COX10: variants seen among roughly 807,000 people sequenced by gnomAD.
The protein encoded by COX10 is protoheme IX farnesyltransferase, mitochondrial.
Under a neutral mutation model 37.3 loss-of-function variants are expected in COX10, and 27 were observed. The observed-to-expected ratio is 0.72, with a 90% CI of 0.53 to 1.00. The LOEUF is 1.00. Ranked by LOEUF, COX10 falls within the 50% of genes least tolerant of loss-of-function variation. The pLI is 0.00. For synonymous variants in COX10, 222 were observed against 229.1 expected, an observed-to-expected ratio of 0.97 and a Z score of 0.28; for missense variants, 475 against 563.2, an observed-to-expected ratio of 0.84 and a Z score of 1.59.
At chr17:14,107,122 A>G (rs1243146079) in intron 4 of COX10, among the ~76,000 whole-genome samples, 3 of 151,784 alleles carry the variant, frequency 2.0e-5, no homozygotes, top group African/African-American at 7.3e-5. Context: ...CCCCACCCCC[A>G]CTTGTGACAG....
At chr17:14,084,958 C>T (rs774080000) in intron 3 of COX10, among the ~76,000 whole-genome samples, 13 of 152,156 alleles carry the variant, frequency 8.5e-5, no homozygotes, top group Non-Finnish European at 1.6e-4. Context: ...CTGCACCCGG[C>T]CAATAACCAG....
intron 4 of COX10, among the ~76,000 whole-genome samples, chr17:14,105,620 T>A (rs1915874249): frequency 6.6e-6 from 1 of 152,170 alleles, no homozygotes; most frequent in African/African-American, 2.4e-5. Context: ...GAAGGCAACA[T>A]TTAAAACATG....
chr17:14,198,568 A>T (rs1383474124), intron 6 of COX10, among the ~76,000 whole-genome samples: 1 of 152,236 alleles, frequency 6.6e-6, no homozygotes, highest in Non-Finnish European at 1.5e-5. Flanking sequence ...CCCAACATTT[A>T]GTTACAAATG....
intron 6 of COX10, 45 bp from the exon 7 acceptor site, chr17:14,206,765 T>C: frequency 6.2e-7 from 1 of 1,611,340 alleles, no homozygotes; most frequent in Admixed American, 1.7e-5. Flanking sequence ...AAATCTCTGG[T>C]GATGACTGCC....
chr17:14,204,870 G>A (rs1418775048), intron 6 of COX10, among the ~76,000 whole-genome samples: 3 of 152,224 alleles, frequency 2.0e-5, no homozygotes, highest in African/African-American at 7.2e-5. Context: ...GAGAGGCTGA[G>A]GCAGGAGGAT....
chr17:14,080,317 G>A (rs950082064), intron 3 of COX10, among the ~76,000 whole-genome samples: 14 of 144,582 alleles, frequency 9.7e-5, no homozygotes, highest in African/African-American at 3.3e-4. Context: ...TCCGCCTCCC[G>A]GGTTCACATC....
At chr17:14,102,367 C>G in intron 4 of COX10, 125 bp downstream of exon 4, 1 of 1,376,160 alleles carries the variant, frequency 7.3e-7, no homozygotes, top group Non-Finnish European at 1.0e-6. Context: ...CACTATATAT[C>G]CTATAGGAGC....
At chr17:14,093,075 G>C (rs1203571682) in intron 3 of COX10, among the ~76,000 whole-genome samples, 3 of 152,158 alleles carry the variant, frequency 2.0e-5, no homozygotes, top group African/African-American at 7.2e-5. Flanking sequence ...GGATTACAGT[G>C]TTGCATAGTA....
intron 5 of COX10, among the ~76,000 whole-genome samples, chr17:14,189,333 A>AT (rs1368775298): frequency 1.3e-5 from 2 of 151,942 alleles, no homozygotes; most frequent in Non-Finnish European, 2.9e-5. Flanking sequence ...AAAAAGATTC[A>AT]TTTTTTCCTC....
chr17:14,073,615 A>C (rs1915078964), intron 1 of COX10, among the ~76,000 whole-genome samples: 1 of 152,220 alleles, frequency 6.6e-6, no homozygotes, highest in Non-Finnish European at 1.5e-5. Context: ...TTAAGGTGGC[A>C]TACATAGCAA....
intron 4 of COX10, among the ~76,000 whole-genome samples, chr17:14,133,565 A>T (rs990953841): frequency 1.3e-5 from 2 of 151,706 alleles, no homozygotes; most frequent in Admixed American, 6.6e-5. Flanking sequence ...AATATAAAAC[A>T]TTTAATAAAT....
intron 6 of COX10, among the ~76,000 whole-genome samples, chr17:14,204,105 A>G (rs2142271119): frequency 6.6e-6 from 1 of 152,260 alleles, no homozygotes; most frequent in East Asian, 1.9e-4. Context: ...TTACTACAAT[A>G]TCATTACATA....
rs903758455 is a variant in COX10 at position 14,155,322 on chromosome 17, A to G, written c.625-4555A>G. Among the ~76,000 whole-genome samples the G allele has an allele frequency of 1.1e-4, 6 of 57,076 alleles. No individual in the cohort carries two copies. The South Asian group carries it at 5.9e-3, about 56-fold the overall frequency. 37.4% of individuals were successfully genotyped at this position (57,076 alleles called of 152,430 possible). ...CACATTGAGTTTGTGATGTTAAAAC[A>G]TCTACATAAAAAAAAAAAAAAAAAC... is the stretch of plus-strand genomic sequence containing the variant. On this transcript the variant is annotated intron_variant, in intron 4 of 6. Transcript: ENST00000261643.
At position 14,205,208 on chromosome 17, in the gene COX10, G is replaced by T. The variant is rs986480360; in HGVS notation, c.929-1602G>T. ...TATATAGTTCTGTGACTCCTAACAC[G>T]TGTTAATCTTCTTTTTTACACCGCC... is the stretch of plus-strand genomic sequence containing the variant. On this transcript the variant is annotated intron_variant, in intron 6 of 6. Transcript: ENST00000261643. 5.9e-5 allele frequency among the ~76,000 whole-genome samples: 9 copies of T among 152,066 alleles called. No individual in the cohort carries two copies. The South Asian group carries it at 1.7e-3, about 28-fold the overall frequency.
intron 1 of COX10, among the ~76,000 whole-genome samples, chr17:14,073,360 G>C (rs867040897): frequency 6.7e-6 from 1 of 148,484 alleles, no homozygotes; most frequent in Admixed American, 7.0e-5. Flanking sequence ...GGATGTTCCT[G>C]AAGTCTTCAG....
intron 4 of COX10, among the ~76,000 whole-genome samples, chr17:14,132,022 T>C (rs935187151): frequency 1.4e-4 from 21 of 152,138 alleles, no homozygotes; most frequent in African/African-American, 4.8e-4. Flanking sequence ...TATCTTCCTT[T>C]AAAAATACTT....
At chr17:14,182,944 C>G (rs1905910637) in intron 5 of COX10, among the ~76,000 whole-genome samples, 2 of 152,068 alleles carry the variant, frequency 1.3e-5, no homozygotes, top group Admixed American at 1.3e-4. Context: ...CAAATTAAAG[C>G]TTGTTTCTCT....
intron 4 of COX10, among the ~76,000 whole-genome samples, chr17:14,120,298 G>A (rs934555066): frequency 6.6e-6 from 1 of 152,164 alleles, no homozygotes; most frequent in South Asian, 2.1e-4. Context: ...GCATGTTGCA[G>A]ATAGAAACTT....
In COX10 at chr17:14,129,311, T is replaced by A. The variant is rs536741289; in HGVS notation, c.624+27069T>A. 3.3e-5 allele frequency among the ~76,000 whole-genome samples: 5 copies of A among 151,978 alleles called. No homozygotes were observed. The South Asian group carries it at 1.0e-3, about 31-fold the overall frequency. On this transcript the variant is annotated intron_variant, in intron 4 of 6. Coordinates refer to ENST00000261643, the MANE Select transcript of COX10 (RefSeq NM_001303.4). ...CTTTATATTTCAAAATATATAAATA[T>A]GTAAATGTATATAAATAATGTAATA...
Sources: gnomAD v4.1 joint callset for allele counts (sites outside exome capture counted in the v4.1 genomes callset) on GRCh38, gnomAD v4.1.1 for gene constraint, MANE v1.5 for transcripts, NCBI Gene and HGNC (gene_info 2026-07-23, HGNC 2026-07-21) for gene names.